The following EPHA4 variants were observed in gnomAD, a reference collection of about 807,000 sequenced individuals.
EPHA4 encodes EPH receptor A4, also known as ephrin type-A receptor 4.
A neutral mutation model predicts 108.3 loss-of-function variants in EPHA4; 19 were observed. The ratio of observed to expected loss-of-function variants is 0.18; its 90% CI spans 0.12 to 0.26. The LOEUF (loss-of-function observed/expected upper bound fraction) is 0.26. EPHA4 is among the 10% of genes least tolerant of loss of function. The pLI, the probability that EPHA4 is intolerant of heterozygous loss-of-function variation, is 1.00. For synonymous variants in EPHA4, 449 were observed against 455.5 expected, an observed-to-expected ratio of 0.99 and a Z score of 0.18; for missense variants, 917 against 1,254.0, an observed-to-expected ratio of 0.73 and a Z score of 4.06.
At chr2:221,437,157 A>G in intron 11 of EPHA4, 35 bp from the exon 12 acceptor site, 1 of 1,487,788 alleles carries the variant, frequency 6.7e-7, no homozygotes, top group Non-Finnish European at 9.4e-7. Context: ...CAAACCTTTG[A>G]TGAGCGCTGC....
chr2:221,534,407 C>T lies in EPHA4; in HGVS notation c.823+29324G>A, dbSNP rs74427748. Among the ~76,000 whole-genome samples the T allele has an allele frequency of 7.3e-3, 1,116 of 152,208 alleles. 11 individuals are homozygous for T. Among genetic ancestry groups the T allele is most frequent in the Non-Finnish European group, 0.011 (741 of 68,006 alleles). Reference sequence around the variant, plus strand: ...AATAGGTTTTTCTTGTATTGGAATGCGTTCTCATTACCTGCAAGTGCTCCA... The same window carrying T: ...AATAGGTTTTTCTTGTATTGGAATGTGTTCTCATTACCTGCAAGTGCTCCA... On this transcript the variant is annotated intron_variant, in intron 3 of 17. Transcript: ENST00000281821.
chr2:221,560,653 C>T (rs144797304), intron 3 of EPHA4, among the ~76,000 whole-genome samples: 207 of 152,250 alleles, frequency 1.4e-3, no homozygotes, highest in African/African-American at 4.6e-3. Context: ...CAAGTTGTTG[C>T]ATGATCTCTG....
chr2:221,438,354 G>A (rs1265045125), intron 11 of EPHA4, among the ~76,000 whole-genome samples: 5 of 151,840 alleles, frequency 3.3e-5, no homozygotes, highest in African/African-American at 1.2e-4. Context: ...TTTCTAAAGG[G>A]TATTTATTGT....
chr2:221,569,714 T>G (rs1159114383), intron 1 of EPHA4, among the ~76,000 whole-genome samples: 1 of 151,124 alleles, frequency 6.6e-6, no homozygotes, highest in Non-Finnish European at 1.5e-5. Flanking sequence ...ACTGGGTTAT[T>G]AATTTGATCA....
In EPHA4 at chr2:221,419,982, T is replaced by G. The variant is rs1289377521; in HGVS notation, c.*1390A>C. Reference sequence around the variant, plus strand: ...ACGCATACAGACACACTCACACCTATGTACACACATCAAAAGAGATAGTCA... The same window carrying G: ...ACGCATACAGACACACTCACACCTAGGTACACACATCAAAAGAGATAGTCA... On this transcript the variant is annotated 3_prime_UTR_variant, in exon 18 of 18. Transcript: ENST00000281821. 3 of 152,700 alleles carry G rather than the reference T, an allele frequency of 2.0e-5. No homozygotes were observed. Among genetic ancestry groups the G allele is most frequent in the African/African-American group, 7.2e-5 (3 of 41,458 alleles). 9.5% of individuals were successfully genotyped at this position (152,700 alleles called of 1,614,324 possible).
intron 17 of EPHA4, among the ~76,000 whole-genome samples, chr2:221,423,585 A>AT (rs1460655781): frequency 1.3e-5 from 2 of 152,126 alleles, no homozygotes; most frequent in Non-Finnish European, 2.9e-5. Context: ...CTCTCCTTTG[A>AT]TCCTTCCCTG....
chr2:221,458,116 C>G (rs1294095996), intron 5 of EPHA4, 126 bp from the exon 6 acceptor site: 1 of 1,146,034 alleles, frequency 8.7e-7, no homozygotes, highest in African/African-American at 1.6e-5. Flanking sequence ...CCCCCTTGAC[C>G]ATTTTACTCT....
At chr2:221,472,425 C>T (rs1182451333) in intron 5 of EPHA4, among the ~76,000 whole-genome samples, 1 of 151,816 alleles carries the variant, frequency 6.6e-6, no homozygotes, top group Non-Finnish European at 1.5e-5. Context: ...AGTGTTTGTG[C>T]TAATGGATGG....
chr2:221,462,642 G>A (rs1691184123), intron 5 of EPHA4, among the ~76,000 whole-genome samples: 1 of 152,172 alleles, frequency 6.6e-6, no homozygotes, highest in African/African-American at 2.4e-5. Flanking sequence ...AGGACCTTTT[G>A]TGGGGTTGGT....
At chr2:221,490,695 C>G (rs914027410) in intron 4 of EPHA4, among the ~76,000 whole-genome samples, 1 of 152,178 alleles carries the variant, frequency 6.6e-6, no homozygotes, top group African/African-American at 2.4e-5. Flanking sequence ...TTCAGATAAG[C>G]CTTTGTTGTT....
At chr2:221,441,398 C>T (rs941236857) in intron 11 of EPHA4, among the ~76,000 whole-genome samples, 3 of 151,904 alleles carry the variant, frequency 2.0e-5, no homozygotes, top group Non-Finnish European at 4.4e-5. Flanking sequence ...TGGGCATTAC[C>T]TTAGGAATAG....
rs1692471013 is a variant in EPHA4, at chr2:221,501,026, G to T, written c.970C>A (p.Pro324Thr). 11 of 1,608,756 alleles carry T rather than the reference G, an allele frequency of 6.8e-6. No individual in the cohort carries two copies. Among genetic ancestry groups the T allele is most frequent in the Non-Finnish European group, 9.3e-6 (11 of 1,177,860 alleles). Residue 324 changes from proline (P) to threonine (T), a missense_variant, in exon 4 of 18, where the codon CCC (proline) becomes ACC (threonine). Physicochemically the swap from Pro to Thr is conservative, Grantham distance 38. This residue lies in a region of EPHA4 where 758 missense variants were observed against 1,076.7 expected (regional missense o/e 0.70). Coordinates refer to ENST00000281821, the MANE Select transcript of EPHA4 (RefSeq NM_004438.5). ...CAAGCATACAACTTACGGGTGCAGGGCATAGAGGCAGCATCGTTGTCAGCT... is the reference window on the plus strand; with the variant it reads ...CAAGCATACAACTTACGGGTGCAGGTCATAGAGGCAGCATCGTTGTCAGCT... ...FRADNDAASM[P>T]CTRPPSAPLN...
Position 221,419,070 on chromosome 2 carries a change from C to T in EPHA4, c.*2302G>A, listed in dbSNP as rs1432924340. 3 of 152,416 alleles carry T rather than the reference C, an allele frequency of 2.0e-5. No homozygotes were observed. Among genetic ancestry groups the T allele is most frequent in the African/African-American group, 7.3e-5 (3 of 41,364 alleles). The allele number at this position is 152,416 out of a possible 1,614,324, so 9.4% of individuals were successfully genotyped here. A position where few individuals can be genotyped will look rare whatever the true frequency, so the allele number is the denominator to read the frequency against. On this transcript the variant is annotated 3_prime_UTR_variant, in exon 18 of 18. Coordinates refer to ENST00000281821, the MANE Select transcript of EPHA4 (RefSeq NM_004438.5). ...ATCTATTTTTTTTCCTCATTTTTCC[C>T]TGATTTGATGTTATAGCTTATATAA...
intron 3 of EPHA4, chr2:221,502,391 G>A (rs577051137): frequency 2.3e-4 from 87 of 383,724 alleles, no homozygotes; most frequent in African/African-American, 5.0e-4. Flanking sequence ...ATTCACTCTC[G>A]TTTCTTTTCA....
chr2:221,473,026 C>T (rs1294029707), intron 5 of EPHA4, among the ~76,000 whole-genome samples: 1 of 152,190 alleles, frequency 6.6e-6, no homozygotes, highest in Admixed American at 6.5e-5. Flanking sequence ...TGCCAGCCCT[C>T]ACCTATGGAA....
chr2:221,508,433 G>C (rs1305267584), intron 3 of EPHA4, among the ~76,000 whole-genome samples: 2 of 152,002 alleles, frequency 1.3e-5, no homozygotes, highest in Non-Finnish European at 2.9e-5. Context: ...ACAAAAATTA[G>C]CCAGGAGGCA....
At chr2:221,438,614 C>T (rs955948121) in intron 11 of EPHA4, among the ~76,000 whole-genome samples, 1 of 151,920 alleles carries the variant, frequency 6.6e-6, no homozygotes, top group African/African-American at 2.4e-5. Flanking sequence ...ATGGTGAAAC[C>T]TCGTGTCTAC....
At chr2:221,532,430 T>G (rs1693549483) in intron 3 of EPHA4, among the ~76,000 whole-genome samples, 1 of 152,180 alleles carries the variant, frequency 6.6e-6, no homozygotes, top group African/African-American at 2.4e-5. Flanking sequence ...GCCAGATAGT[T>G]CAATTTATTC....
chr2:221,496,303 A>G (rs923446769), intron 4 of EPHA4, among the ~76,000 whole-genome samples: 1 of 152,150 alleles, frequency 6.6e-6, no homozygotes, highest in Admixed American at 6.5e-5. Flanking sequence ...CTAGCCATAT[A>G]TGGCTATTGA....
Sources: gnomAD v4.1 joint callset for allele counts (sites outside exome capture counted in the v4.1 genomes callset) on GRCh38, gnomAD v4.1.1 for gene constraint, gnomAD v4.1.1 regional missense constraint, MANE v1.5 for transcripts, NCBI Gene and HGNC (gene_info 2026-07-23, HGNC 2026-07-21) for gene names.